TRAM2: variants seen among roughly 807,000 people sequenced by gnomAD.
TRAM2 encodes the protein translocating chain-associated membrane protein 2.
A neutral mutation model predicts 51.0 loss-of-function variants in TRAM2; 12 were observed. The observed-to-expected ratio is 0.24, with a 90% CI of 0.15 to 0.38. TRAM2 has a LOEUF of 0.38. Ranked by LOEUF, TRAM2 falls within the 10% of genes least tolerant of loss-of-function variation. The pLI is 1.00. For synonymous variants in TRAM2, 175 were observed against 179.4 expected, an observed-to-expected ratio of 0.98 and a Z score of 0.20; for missense variants, 361 against 462.0, an observed-to-expected ratio of 0.78 and a Z score of 2.00.
intron 1 of TRAM2, among the ~76,000 whole-genome samples, chr6:52,549,172 T>C (rs781083923): frequency 6.6e-6 from 1 of 152,150 alleles, no homozygotes; most frequent in Non-Finnish European, 1.5e-5. Flanking sequence ...TTGTTTCAAA[T>C]GAACTAGTCT....
At chr6:52,559,505 G>C (rs1441382633) in intron 1 of TRAM2, among the ~76,000 whole-genome samples, 2 of 152,160 alleles carry the variant, frequency 1.3e-5, no homozygotes, top group African/African-American at 4.8e-5. Flanking sequence ...AAAAAGGGAG[G>C]CACCACAGTA....
chr6:52,572,300 T>C (rs947333865), intron 1 of TRAM2, among the ~76,000 whole-genome samples: 42 of 152,176 alleles, frequency 2.8e-4, no homozygotes, highest in Non-Finnish European at 1.2e-4. Context: ...TCTTCGAAAG[T>C]GCATTAGAAG....
chr6:52,536,409 C>CA (rs927538670), intron 1 of TRAM2, among the ~76,000 whole-genome samples: 1 of 152,210 alleles, frequency 6.6e-6, no homozygotes, highest in African/African-American at 2.4e-5. Context: ...TTGTTTATTT[C>CA]AAAAACTGCC....
intron 2 of TRAM2, among the ~76,000 whole-genome samples, chr6:52,521,566 G>A (rs1298890997): frequency 1.1e-4 from 17 of 151,514 alleles, no homozygotes; most frequent in Non-Finnish European, 1.6e-4. Flanking sequence ...GCGTGGTGGC[G>A]GGCACCTGTA....
intron 4 of TRAM2, 129 bp from the exon 5 acceptor site, chr6:52,509,715 T>A: frequency 1.3e-6 from 1 of 789,268 alleles, no homozygotes; most frequent in Non-Finnish European, 2.1e-6. Context: ...ACAGGAAATG[T>A]GAAAACAGAG....
chr6:52,527,438 G>A (rs1022041711), intron 2 of TRAM2, among the ~76,000 whole-genome samples: 4 of 140,988 alleles, frequency 2.8e-5, no homozygotes, highest in East Asian at 2.2e-4. Flanking sequence ...TAGAAGAAAC[G>A]ATTTGATCAG....
chr6:52,522,050 G>A (rs917562327), intron 2 of TRAM2, among the ~76,000 whole-genome samples: 3 of 152,192 alleles, frequency 2.0e-5, no homozygotes, highest in Non-Finnish European at 4.4e-5. Context: ...GCATTAAGCA[G>A]GTCATATTCT....
chr6:52,500,286 T>C lies in TRAM2; in HGVS notation c.*2911A>G, dbSNP rs1766183564. The C allele has an allele frequency of 6.6e-6, 1 of 152,056 alleles. No individual in the cohort carries two copies. Among genetic ancestry groups the C allele is most frequent in the Non-Finnish European group, 1.5e-5 (1 of 68,034 alleles). 9.4% of individuals were successfully genotyped at this position (152,056 alleles called of 1,614,324 possible). A position where few individuals can be genotyped will look rare whatever the true frequency, so the allele number is the denominator to read the frequency against. ...AGAAAACAGCCAAAGTGGCCAAAAT[T>C]AGAACAAGCTAGCCCAACACGCTCA... On this transcript the variant is annotated 3_prime_UTR_variant, in exon 11 of 11. Transcript: ENST00000182527.
At chr6:52,553,387 T>C (rs1041013678) in intron 1 of TRAM2, among the ~76,000 whole-genome samples, 2 of 152,252 alleles carry the variant, frequency 1.3e-5, no homozygotes, top group African/African-American at 2.4e-5. Flanking sequence ...CAGCCTAGCA[T>C]TTCCCAGGGC....
chr6:52,509,472 A>G lies in TRAM2; in HGVS notation c.470+56T>C, dbSNP rs1766411170. On this transcript the variant is annotated intron_variant, in intron 5 of 10. Transcript: ENST00000182527. ...TGTTCTGGCCACACTCCGCTGGGACAGGAAGGCAGTGGGCCCGGTCGCTCC... is the reference window on the plus strand; with the variant it reads ...TGTTCTGGCCACACTCCGCTGGGACGGGAAGGCAGTGGGCCCGGTCGCTCC... 3.2e-6 allele frequency: 5 copies of G among 1,565,536 alleles called. No individual in the cohort carries two copies. The South Asian group carries it at 5.6e-5, about 18-fold the overall frequency.
intron 6 of TRAM2, 70 bp downstream of exon 6, chr6:52,508,164 A>G (rs759291445): frequency 1.6e-5 from 23 of 1,406,270 alleles, no homozygotes; most frequent in Non-Finnish European, 2.2e-5. Flanking sequence ...GAAGGGAGGT[A>G]CCCCTGGGAA....
chr6:52,516,180 T>A, intron 3 of TRAM2, 58 bp from the exon 4 acceptor site: 2 of 1,484,184 alleles, frequency 1.3e-6, no homozygotes, highest in South Asian at 2.3e-5. Context: ...ATTGGGCAGG[T>A]TTCAAACTCT....
intron 2 of TRAM2, among the ~76,000 whole-genome samples, chr6:52,518,733 T>G (rs1179272896): frequency 2.6e-5 from 4 of 152,188 alleles, no homozygotes; most frequent in African/African-American, 9.7e-5. Flanking sequence ...AGGAGACTCA[T>G]GGCCCAGCCT....
Position 52,509,558 on chromosome 6 carries a change from A to G in TRAM2, c.440T>C (p.Leu147Pro). 1 of 1,614,050 alleles carries G rather than the reference A, an allele frequency of 6.2e-7. No homozygotes were observed. Among genetic ancestry groups the G allele is most frequent in the Non-Finnish European group, 8.5e-7 (1 of 1,179,992 alleles). Residue 147 changes from leucine to proline, a missense_variant, in exon 5 of 11, where the codon CTC (leucine) becomes CCC (proline). By Grantham distance (98) the Leu-to-Pro change is moderately conservative. Coordinates refer to ENST00000182527, the MANE Select transcript of TRAM2 (RefSeq NM_012288.4). ...GTGCACATGCGGGTAGTCTTCCCAG[A>G]GGCTTCTTGGGTTTGTTAAGTATCC... ...TEGYLTNPRS[L>P]WEDYPHVHLP...
intron 2 of TRAM2, among the ~76,000 whole-genome samples, chr6:52,519,866 C>T (rs958600587): frequency 6.6e-6 from 1 of 150,726 alleles, no homozygotes; most frequent in Admixed American, 6.6e-5. Context: ...ACCTCGAGGA[C>T]ATTAGACTAA....
At chr6:52,539,968 G>A (rs1767048431) in intron 1 of TRAM2, among the ~76,000 whole-genome samples, 1 of 151,896 alleles carries the variant, frequency 6.6e-6, no homozygotes, top group African/African-American at 2.4e-5. Flanking sequence ...CATGTTTTCT[G>A]AACATGATTC....
At chr6:52,551,371 C>T (rs1767305379) in intron 1 of TRAM2, among the ~76,000 whole-genome samples, 1 of 152,198 alleles carries the variant, frequency 6.6e-6, no homozygotes, top group Non-Finnish European at 1.5e-5. Flanking sequence ...GAGTGCCACA[C>T]AGGGTTGCTT....
At chr6:52,550,699 G>C (rs1203248848) in intron 1 of TRAM2, among the ~76,000 whole-genome samples, 3 of 151,970 alleles carry the variant, frequency 2.0e-5, no homozygotes, top group African/African-American at 7.3e-5. Flanking sequence ...TTACAGGAAT[G>C]CACCACCACA....
At chr6:52,519,799 T>A (rs1307610341) in intron 2 of TRAM2, among the ~76,000 whole-genome samples, 2 of 146,116 alleles carry the variant, frequency 1.4e-5, no homozygotes, top group Non-Finnish European at 3.1e-5. Flanking sequence ...CAGTGGAAGA[T>A]GATTCAGCCT....
Sources: gnomAD v4.1 joint callset for allele counts (sites outside exome capture counted in the v4.1 genomes callset) on GRCh38, gnomAD v4.1.1 for gene constraint, MANE v1.5 for transcripts, NCBI Gene and HGNC (gene_info 2026-07-23, HGNC 2026-07-21) for gene names.